RBFOX1: variants seen among roughly 807,000 people sequenced by gnomAD.
RBFOX1 encodes RNA binding fox-1 homolog 1, also known as RNA binding protein fox-1 homolog 1.
A neutral mutation model predicts 57.7 loss-of-function variants in RBFOX1; 8 were observed. The ratio of observed to expected loss-of-function variants is 0.14; its 90% CI spans 0.08 to 0.25. The LOEUF (loss-of-function observed/expected upper bound fraction) is 0.25, where lower values mean the gene tolerates loss of function less well. RBFOX1 is among the 10% of genes least tolerant of loss of function. The pLI is 1.00. For synonymous variants in RBFOX1, 326 were observed against 222.4 expected (o/e 1.47, Z -4.15); for missense variants, 611 against 548.5 (o/e 1.11, Z -1.14).
At chr16:6,038,544 A>ATG (rs2095397909) in intron 1 of RBFOX1, 1 of 146,032 alleles carries the variant, frequency 6.8e-6, no homozygotes, top group Non-Finnish European at 1.5e-5. Context: ...ATATATATAT[A>ATG]TATATATCAT....
At chr16:5,454,200 A>C (rs762682556) in intron 1 of RBFOX1, among the ~76,000 whole-genome samples, 53 of 152,218 alleles carry the variant, frequency 3.5e-4, no homozygotes, top group Non-Finnish European at 1.0e-4. Flanking sequence ...CCAGCCTCCT[A>C]GGTACAGAGA....
chr16:7,707,351 A>T (rs2082794136), intron 14 of RBFOX1, among the ~76,000 whole-genome samples: 1 of 152,124 alleles, frequency 6.6e-6, no homozygotes, highest in African/African-American at 2.4e-5. Flanking sequence ...TTGGATTGGT[A>T]TCACTTATCT....
intron 5 of RBFOX1, among the ~76,000 whole-genome samples, chr16:7,569,476 C>A (rs2092543053): frequency 6.6e-6 from 1 of 152,166 alleles, no homozygotes; most frequent in African/African-American, 2.4e-5. Context: ...GGTTCTCTTC[C>A]ATGCCACTGG....
intron 2 of RBFOX1, among the ~76,000 whole-genome samples, chr16:5,556,622 T>C (rs2045687151): frequency 6.6e-6 from 1 of 152,186 alleles, no homozygotes; most frequent in African/African-American, 2.4e-5. Flanking sequence ...ATGCCAACCC[T>C]CTCCCTCTTG....
At chr16:5,969,883 A>G (rs1245012663) in intron 4 of RBFOX1, among the ~76,000 whole-genome samples, 1 of 151,656 alleles carries the variant, frequency 6.6e-6, no homozygotes, top group Admixed American at 6.6e-5. Flanking sequence ...CTGACTGGTT[A>G]GTTGAGTTTG....
intron 3 of RBFOX1, among the ~76,000 whole-genome samples, chr16:5,620,883 C>T (rs1316880898): frequency 1.3e-5 from 2 of 152,130 alleles, no homozygotes; most frequent in African/African-American, 4.8e-5. Flanking sequence ...CTCTGTCCCC[C>T]AGGCTGGAGT....
intron 3 of RBFOX1, among the ~76,000 whole-genome samples, chr16:6,849,385 C>G (rs528367465): frequency 6.6e-6 from 1 of 152,130 alleles, no homozygotes; most frequent in Non-Finnish European, 1.5e-5. Context: ...ACTGAAAGGC[C>G]TGGCTGGGTG....
chr16:6,588,777 T>G (rs955801976), intron 2 of RBFOX1, among the ~76,000 whole-genome samples: 8 of 152,226 alleles, frequency 5.3e-5, no homozygotes, highest in African/African-American at 1.7e-4. Context: ...TACTTGATTA[T>G]TTCCCTGTCA....
At chr16:7,442,212 G>C (rs888031050) in intron 4 of RBFOX1, among the ~76,000 whole-genome samples, 1 of 152,014 alleles carries the variant, frequency 6.6e-6, no homozygotes, top group African/African-American at 2.4e-5. Context: ...TTGGTCCTAA[G>C]GGGTCTCCTG....
At chr16:5,954,240 G>T (rs1329192442) in intron 4 of RBFOX1, among the ~76,000 whole-genome samples, 1 of 152,132 alleles carries the variant, frequency 6.6e-6, no homozygotes, top group Non-Finnish European at 1.5e-5. Flanking sequence ...TGGATGGAGG[G>T]GCTTCCTGGC....
chr16:7,208,648 C>A (rs1408713272), intron 4 of RBFOX1, among the ~76,000 whole-genome samples: 2 of 151,980 alleles, frequency 1.3e-5, no homozygotes, highest in Admixed American at 1.3e-4. Context: ...GCAACCTGGG[C>A]AACATAGCAA....
At chr16:5,600,280 G>A (rs1359635661), downstream of RBFOX1, 4 of 151,162 alleles carry the variant, frequency 2.6e-5, no homozygotes, top group Admixed American at 1.3e-4. Context: ...CAGCCTGGAC[G>A]AGAGCGAGAC....
At chr16:6,540,926 T>G (rs984881082) in intron 2 of RBFOX1, among the ~76,000 whole-genome samples, 4 of 152,248 alleles carry the variant, frequency 2.6e-5, no homozygotes, top group African/African-American at 9.6e-5. Flanking sequence ...GGAGTTGAGG[T>G]CTGGGATTAT....
At chr16:6,638,293 A>T (rs2098460857) in intron 2 of RBFOX1, among the ~76,000 whole-genome samples, 1 of 152,178 alleles carries the variant, frequency 6.6e-6, no homozygotes. Context: ...ATGCTCATGT[A>T]AGAATTAAAA....
At chr16:5,314,954 A>C (rs539130987) in intron 1 of RBFOX1, among the ~76,000 whole-genome samples, 1 of 152,216 alleles carries the variant, frequency 6.6e-6, no homozygotes, top group African/African-American at 2.4e-5. Context: ...AGGAGCCCAC[A>C]AAAGTGAAAG....
intron 14 of RBFOX1, among the ~76,000 whole-genome samples, chr16:7,680,497 C>G (rs537522110): frequency 6.6e-6 from 1 of 152,116 alleles, no homozygotes; most frequent in Non-Finnish European, 1.5e-5. Context: ...CGCCTAGAGA[C>G]GGAAGCAAGA....
At chr16:6,877,451 G>GA (rs1226061010) in intron 3 of RBFOX1, among the ~76,000 whole-genome samples, 1 of 152,084 alleles carries the variant, frequency 6.6e-6, no homozygotes, top group African/African-American at 2.4e-5. Context: ...AGAGTAGTGG[G>GA]GAAGCTTGAC....
chr16:6,248,084 A>G (rs1322392233), intron 1 of RBFOX1, among the ~76,000 whole-genome samples: 3 of 152,232 alleles, frequency 2.0e-5, no homozygotes, highest in Admixed American at 6.5e-5. Flanking sequence ...CTCTCTTTTT[A>G]AAAGCCGTCT....
At chr16:5,669,965 A>C (rs1200234255) in intron 3 of RBFOX1, among the ~76,000 whole-genome samples, 1 of 152,224 alleles carries the variant, frequency 6.6e-6, no homozygotes, top group Non-Finnish European at 1.5e-5. Context: ...AGATAAACAC[A>C]TTGTGGTCTA....
Sources: allele counts gnomAD v4.1 joint callset (sites outside exome capture counted in the v4.1 genomes callset), GRCh38; gene constraint gnomAD v4.1.1; transcripts MANE v1.5; gene names NCBI Gene and HGNC (gene_info 2026-07-23, HGNC 2026-07-21).